The following RNF150 variants were observed in gnomAD, a reference collection of about 807,000 sequenced individuals.
RNF150 encodes the protein ring finger protein 150.
A neutral mutation model predicts 39.3 loss-of-function variants in RNF150; 24 were observed. The ratio of observed to expected loss-of-function variants is 0.61; its 90% CI spans 0.44 to 0.86. RNF150 has a LOEUF of 0.86. RNF150 is among the 40% of genes least tolerant of loss of function. RNF150 has a pLI of 0.00. For synonymous variants in RNF150, 255 were observed against 227.3 expected (o/e 1.12, Z -1.10); for missense variants, 502 against 587.8 (o/e 0.85, Z 1.51).
upstream of RNF150, among the ~76,000 whole-genome samples, chr4:141,135,017 G>A (rs1398251185): frequency 1.3e-5 from 2 of 152,250 alleles, no homozygotes; most frequent in Admixed American, 1.3e-4. Flanking sequence ...GTGCTAAAGA[G>A]ATGACAGGGT....
intron 4 of RNF150, among the ~76,000 whole-genome samples, chr4:140,944,330 C>T (rs1328406279): frequency 6.6e-6 from 1 of 152,062 alleles, no homozygotes; most frequent in Non-Finnish European, 1.5e-5. Flanking sequence ...GGATCAAATC[C>T]AAACCACAGA....
intron 1 of RNF150, among the ~76,000 whole-genome samples, chr4:141,067,184 T>C (rs1737493999): frequency 6.6e-6 from 1 of 152,232 alleles, no homozygotes; most frequent in Admixed American, 6.5e-5. Flanking sequence ...ATTCAGTTTT[T>C]ATGTGCAATT....
chr4:140,963,736 A>G (rs1407759969), intron 2 of RNF150, among the ~76,000 whole-genome samples: 1 of 152,100 alleles, frequency 6.6e-6, no homozygotes, highest in African/African-American at 2.4e-5. Context: ...AGGATGGTTC[A>G]TAATGGAAAT....
intron 1 of RNF150, among the ~76,000 whole-genome samples, chr4:140,990,699 G>A (rs1183241829): frequency 6.6e-6 from 1 of 152,176 alleles, no homozygotes; most frequent in Non-Finnish European, 1.5e-5. Context: ...GTATTCCATG[G>A]TGTATATGTA....
intron 1 of RNF150, among the ~76,000 whole-genome samples, chr4:141,200,449 A>G (rs1173983729): frequency 1.3e-5 from 2 of 149,778 alleles, no homozygotes; most frequent in African/African-American, 4.9e-5. Context: ...ACATTGGGAT[A>G]CAGACTGTCA....
chr4:141,138,554 T>C (rs193082477), intron 1 of RNF150, among the ~76,000 whole-genome samples: 121 of 152,306 alleles, frequency 7.9e-4, no homozygotes, highest in African/African-American at 2.8e-3. Flanking sequence ...AGTAACATAC[T>C]GTGACATTTA....
intron 1 of RNF150, among the ~76,000 whole-genome samples, chr4:141,062,644 T>C (rs1419021349): frequency 6.6e-6 from 1 of 152,226 alleles, no homozygotes; most frequent in Non-Finnish European, 1.5e-5. Context: ...CTTATTGTTG[T>C]TTATCACATT....
At chr4:141,011,164 G>A (rs1302725324) in intron 1 of RNF150, among the ~76,000 whole-genome samples, 2 of 151,190 alleles carry the variant, frequency 1.3e-5, no homozygotes, top group Non-Finnish European at 2.9e-5. Flanking sequence ...ATAGTTACCG[G>A]AAAGCAAGCA....
intron 1 of RNF150, among the ~76,000 whole-genome samples, chr4:141,031,245 T>C (rs979552604): frequency 6.6e-6 from 1 of 151,972 alleles, no homozygotes; most frequent in Non-Finnish European, 1.5e-5. Context: ...TCACACCATA[T>C]ACAAAAATCA....
At chr4:141,086,145 C>A (rs1738357245) in intron 1 of RNF150, among the ~76,000 whole-genome samples, 1 of 151,932 alleles carries the variant, frequency 6.6e-6, no homozygotes, top group Non-Finnish European at 1.5e-5. Flanking sequence ...AGAAACCTAC[C>A]TTGCCACCTT....
intron 4 of RNF150, among the ~76,000 whole-genome samples, chr4:140,938,821 G>T (rs1263026342): frequency 6.6e-6 from 1 of 152,142 alleles, no homozygotes; most frequent in Non-Finnish European, 1.5e-5. Flanking sequence ...TGTCCTTGGG[G>T]ACAGGAGTTC....
At chr4:141,087,041 T>C (rs1282915331) in intron 1 of RNF150, among the ~76,000 whole-genome samples, 1 of 152,172 alleles carries the variant, frequency 6.6e-6, no homozygotes, top group East Asian at 1.9e-4. Flanking sequence ...TTTACATAGA[T>C]AAACATGTGT....
intron 1 of RNF150, among the ~76,000 whole-genome samples, chr4:141,185,074 T>C (rs138158781): frequency 0.011 from 1,726 of 152,190 alleles, 42 homozygotes; most frequent in African/African-American, 0.038. Flanking sequence ...AGAAAGTCAA[T>C]GGTAGCTTAA....
chr4:141,008,920 G>GT (rs1293514641), intron 1 of RNF150, among the ~76,000 whole-genome samples: 1 of 151,982 alleles, frequency 6.6e-6, no homozygotes, highest in Non-Finnish European at 1.5e-5. Context: ...TTTAACATTA[G>GT]ATTATCAATT....
intron 1 of RNF150, among the ~76,000 whole-genome samples, chr4:141,055,947 C>T (rs1736949462): frequency 6.6e-6 from 1 of 152,128 alleles, no homozygotes; most frequent in South Asian, 2.1e-4. Flanking sequence ...CATGTTATGT[C>T]AGCATTTATT....
chr4:141,089,427 A>G (rs1028513686), intron 1 of RNF150, among the ~76,000 whole-genome samples: 3 of 152,184 alleles, frequency 2.0e-5, no homozygotes, highest in Admixed American at 6.5e-5. Context: ...AGGGGGAAGA[A>G]TCCTGAGCAA....
At chr4:140,937,597 T>C (rs1731908865) in intron 4 of RNF150, among the ~76,000 whole-genome samples, 1 of 152,210 alleles carries the variant, frequency 6.6e-6, no homozygotes, top group South Asian at 2.1e-4. Flanking sequence ...TTTTAAAAAA[T>C]GTTTTTTATT....
chr4:141,063,617 G>A (rs1187959730), intron 1 of RNF150, among the ~76,000 whole-genome samples: 3 of 152,166 alleles, frequency 2.0e-5, no homozygotes, highest in Non-Finnish European at 4.4e-5. Flanking sequence ...CTGGGAAAGG[G>A]CTGGATGGGG....
chr4:141,113,078 G>A (rs1389670728), intron 1 of RNF150, among the ~76,000 whole-genome samples: 1 of 151,906 alleles, frequency 6.6e-6, no homozygotes, highest in East Asian at 1.9e-4. Context: ...GCTTCATCAA[G>A]TCATTTATGT....
Sources: allele counts gnomAD v4.1 joint callset (sites outside exome capture counted in the v4.1 genomes callset), GRCh38; gene constraint gnomAD v4.1.1; transcripts MANE v1.5; gene names NCBI Gene and HGNC (gene_info 2026-07-23, HGNC 2026-07-21).